The following BMPR1A variants were observed in gnomAD, a reference collection of about 807,000 sequenced individuals.
The protein encoded by BMPR1A is bone morphogenetic protein receptor type 1A, also known as bone morphogenetic protein receptor type-1A.
BMPR1A carries 7 observed loss-of-function variants against 66.0 expected under a neutral mutation model. The ratio of observed to expected loss-of-function variants is 0.11; its 90% CI spans 0.06 to 0.20. The LOEUF (loss-of-function observed/expected upper bound fraction) is 0.20. Ranked by LOEUF, BMPR1A falls within the 10% of genes least tolerant of loss-of-function variation. The pLI is 1.00. For synonymous variants in BMPR1A, 200 were observed against 229.7 expected (o/e 0.87, Z 1.17); for missense variants, 408 against 669.1 (o/e 0.61, Z 4.31).
rs531738703 is a variant in BMPR1A, at chr10:86,921,830, T to C, written c.1342+135T>C. ...GTATATATTATTGGATAAGGAGTTA[T>C]TTTGATACAGGCATGCCATGTGTAA... On this transcript the variant is annotated intron_variant, in intron 11 of 12. Coordinates refer to ENST00000372037, the MANE Select transcript of BMPR1A (RefSeq NM_004329.3). The C allele has an allele frequency of 1.4e-4, 150 of 1,093,940 alleles. 3 individuals are homozygous for C. In the South Asian group the frequency reaches 1.8e-3, roughly 13 times the overall value. The allele number at this position is 1,093,940 out of a possible 1,614,324, so 67.8% of individuals were successfully genotyped here. A position where few individuals can be genotyped will look rare whatever the true frequency, so the allele number is the denominator to read the frequency against.
intron 8 of BMPR1A, among the ~76,000 whole-genome samples, chr10:86,913,310 T>TTTTTTGG (rs1843518764): frequency 6.7e-6 from 1 of 149,542 alleles, no homozygotes. Context: ...TTTTTTTTTT[T>TTTTTTGG]GAGGGATGAG....
intron 1 of BMPR1A, among the ~76,000 whole-genome samples, chr10:86,790,161 CCAAAAAAAAAAA>C (rs1564685272): frequency 5.0e-4 from 2 of 4,016 alleles, no homozygotes; most frequent in Non-Finnish European, 4.5e-4. Context: ...GACTCTGTCT[CCAAAAAAAAAAA>C]AAAAAAAAAA....
At chr10:86,800,114 T>A (rs542992395) in intron 1 of BMPR1A, among the ~76,000 whole-genome samples, 38 of 152,302 alleles carry the variant, frequency 2.5e-4, no homozygotes, top group African/African-American at 8.9e-4. Flanking sequence ...TGTAATTTTT[T>A]AAAAATTAGT....
At chr10:86,848,849 C>G (rs111730775) in intron 2 of BMPR1A, among the ~76,000 whole-genome samples, 1 of 152,210 alleles carries the variant, frequency 6.6e-6, no homozygotes, top group Non-Finnish European at 1.5e-5. Context: ...ACAACTGCAT[C>G]TCTGCTTTCT....
chr10:86,887,113 G>C (rs1353783671), intron 3 of BMPR1A, among the ~76,000 whole-genome samples: 1 of 152,048 alleles, frequency 6.6e-6, no homozygotes, highest in Non-Finnish European at 1.5e-5. Context: ...GATTACAGGC[G>C]TGAGCCACCG....
chr10:86,878,982 A>T (rs913860268), intron 3 of BMPR1A, among the ~76,000 whole-genome samples: 3 of 152,122 alleles, frequency 2.0e-5, no homozygotes, highest in African/African-American at 7.2e-5. Context: ...TTAAAAAAAA[A>T]TTAAAAGAGC....
intron 1 of BMPR1A, among the ~76,000 whole-genome samples, chr10:86,822,346 T>C (rs1842131382): frequency 6.6e-6 from 1 of 152,222 alleles, no homozygotes; most frequent in African/African-American, 2.4e-5. Context: ...GTTAATGGTT[T>C]GAAACAGCTT....
At chr10:86,891,152 G>A (rs907152059) in intron 4 of BMPR1A, among the ~76,000 whole-genome samples, 2 of 152,178 alleles carry the variant, frequency 1.3e-5, no homozygotes, top group African/African-American at 4.8e-5. Flanking sequence ...TAGGTTTGCT[G>A]CTTGTCCCCT....
intron 1 of BMPR1A, among the ~76,000 whole-genome samples, chr10:86,758,161 G>T (rs1343756064): frequency 6.6e-6 from 1 of 152,176 alleles, no homozygotes; most frequent in Non-Finnish European, 1.5e-5. Flanking sequence ...ATGAAAGGCC[G>T]ATTGAAATGT....
chr10:86,788,469 T>A lies in BMPR1A; in HGVS notation c.-268+31550T>A, dbSNP rs1185949569. ...GTAAAGCAGTGTCCAGACATTGGTC[T>A]TAGGGCTGGAGTGGAAACAGACTCC... On this transcript the variant is annotated intron_variant, in intron 1 of 12. Coordinates refer to ENST00000372037, the MANE Select transcript of BMPR1A (RefSeq NM_004329.3). 2.6e-5 allele frequency among the ~76,000 whole-genome samples: 4 copies of A among 152,350 alleles called. No homozygotes were observed. In the East Asian group the frequency reaches 7.7e-4, roughly 29 times the overall value.
At chr10:86,830,463 T>TGA (rs1425113481) in intron 1 of BMPR1A, among the ~76,000 whole-genome samples, 1 of 152,214 alleles carries the variant, frequency 6.6e-6, no homozygotes. Flanking sequence ...TGGCAGTGTA[T>TGA]GAGAGATCCA....
At chr10:86,856,131 T>G in intron 2 of BMPR1A, 2 of 519,098 alleles carry the variant, frequency 3.9e-6, no homozygotes, top group Non-Finnish European at 7.6e-6. Flanking sequence ...TTTTGAAATT[T>G]TATATTTAAT....
At chr10:86,909,599 GA>G (rs1217186207) in intron 7 of BMPR1A, among the ~76,000 whole-genome samples, 3 of 135,106 alleles carry the variant, frequency 2.2e-5, no homozygotes, top group Admixed American at 7.1e-5. Flanking sequence ...AAAAAAAAAA[GA>G]AAAAAAAGAA....
At chr10:86,763,047 C>T (rs1841094681) in intron 1 of BMPR1A, among the ~76,000 whole-genome samples, 1 of 152,134 alleles carries the variant, frequency 6.6e-6, no homozygotes, top group South Asian at 2.1e-4. Flanking sequence ...AAGCGTGAGC[C>T]ACCACGCCTG....
chr10:86,874,393 GCTCCC>G (rs200637808), intron 2 of BMPR1A, among the ~76,000 whole-genome samples: 1 of 148,128 alleles, frequency 6.8e-6, no homozygotes. Flanking sequence ...TTTTCCCTCC[GCTCCC>G]CTCCCCTCCT....
At position 86,756,865 on chromosome 10, in the gene BMPR1A, G is replaced by C. The variant is rs1301709755; in HGVS notation, c.-322G>C. 3 of 151,812 alleles carry C rather than the reference G, an allele frequency of 2.0e-5. No individual in the cohort carries two copies. Among genetic ancestry groups the C allele is most frequent in the Non-Finnish European group, 2.9e-5 (2 of 68,006 alleles). 9.4% of individuals were successfully genotyped at this position (151,812 alleles called of 1,614,324 possible). A position where few individuals can be genotyped will look rare whatever the true frequency, so the allele number is the denominator to read the frequency against. On this transcript the variant is annotated 5_prime_UTR_variant, in exon 1 of 13. Coordinates refer to ENST00000372037, the MANE Select transcript of BMPR1A (RefSeq NM_004329.3). ...GGGCCCCACTTCGCCCCGGCGGCTC[G>C]CCGCGCCCACCCGCTCCGCGCCGAG...
At chr10:86,912,130 G>T in intron 7 of BMPR1A, 110 bp from the exon 8 acceptor site, 2 of 1,198,572 alleles carry the variant, frequency 1.7e-6, no homozygotes, top group Non-Finnish European at 1.2e-6. Context: ...GACTAATTTG[G>T]ATAGGATTCT....
At chr10:86,864,820 A>G (rs1273943927) in intron 2 of BMPR1A, among the ~76,000 whole-genome samples, 4 of 152,064 alleles carry the variant, frequency 2.6e-5, no homozygotes, top group Non-Finnish European at 4.4e-5. Flanking sequence ...CAGTCATTCT[A>G]TACGACAAAT....
At chr10:86,854,380 G>A (rs1184742616) in intron 2 of BMPR1A, among the ~76,000 whole-genome samples, 1 of 152,162 alleles carries the variant, frequency 6.6e-6, no homozygotes. Context: ...ACAGGATTAA[G>A]AGATTAAAGT....
Sources: allele counts gnomAD v4.1 joint callset (sites outside exome capture counted in the v4.1 genomes callset), GRCh38; gene constraint gnomAD v4.1.1; transcripts MANE v1.5; gene names NCBI Gene and HGNC (gene_info 2026-07-23, HGNC 2026-07-21).